CHRNA7: variants seen among roughly 807,000 people sequenced by gnomAD.
The protein encoded by CHRNA7 is cholinergic receptor nicotinic alpha 7 subunit, also known as neuronal acetylcholine receptor subunit alpha-7.
CHRNA7 carries 17 observed loss-of-function variants against 48.0 expected under a neutral mutation model. The ratio of observed to expected loss-of-function variants is 0.35; its 90% CI spans 0.24 to 0.53. CHRNA7 has a LOEUF of 0.53. CHRNA7 is among the 20% of genes least tolerant of loss of function. CHRNA7 has a pLI of 0.92. For synonymous variants in CHRNA7, 75 were observed against 242.3 expected (o/e 0.31, Z 6.41); for missense variants, 155 against 577.7 (o/e 0.27, Z 7.50).
At chr15:32,087,987 T>G (rs1003708368) in intron 2 of CHRNA7, among the ~76,000 whole-genome samples, 1 of 152,240 alleles carries the variant, frequency 6.6e-6, no homozygotes, top group Non-Finnish European at 1.5e-5. Flanking sequence ...TGGGTTACTC[T>G]TTGTATTATA....
At chr15:32,114,089 T>C (rs8036584) in intron 4 of CHRNA7, among the ~76,000 whole-genome samples, 25,627 of 136,998 alleles carry the variant, frequency 0.19, 2,610 homozygotes, top group Middle Eastern at 0.3. Flanking sequence ...CATACATACA[T>C]ACACACACAC....
chr15:32,127,021 A>G (rs1176618500), intron 4 of CHRNA7, among the ~76,000 whole-genome samples: 1 of 152,210 alleles, frequency 6.6e-6, no homozygotes, highest in East Asian at 1.9e-4. Context: ...CCACGACTGT[A>G]AAGATCTCTT....
At chr15:32,124,293 A>G (rs534528036) in intron 4 of CHRNA7, among the ~76,000 whole-genome samples, 3 of 152,342 alleles carry the variant, frequency 2.0e-5, no homozygotes, top group African/African-American at 7.2e-5. Context: ...AAAAGGGACA[A>G]AATGAATATT....
At chr15:32,124,669 G>A (rs1360648515) in intron 4 of CHRNA7, among the ~76,000 whole-genome samples, 1 of 128,444 alleles carries the variant, frequency 7.8e-6, no homozygotes, top group African/African-American at 3.2e-5. Flanking sequence ...TCAGAGATAA[G>A]GCAAAGATGA....
chr15:32,156,777 T>C lies in CHRNA7; in HGVS notation c.431-831T>C, dbSNP rs2141373878. ...TGTTTGTTTGTTTGTTTTAACTTTT[T>C]TTCTTACAGACAGATTCTAGGTGTG... On this transcript the variant is annotated intron_variant, in intron 5 of 9. Transcript: ENST00000306901. 3 of 110,974 alleles carry C rather than the reference T, an allele frequency of 2.7e-5. 1 individual carries two copies. In the South Asian group the frequency reaches 8.7e-4, roughly 32 times the overall value. 6.9% of individuals were successfully genotyped at this position (110,974 alleles called of 1,614,324 possible). A position where few individuals can be genotyped will look rare whatever the true frequency, so the allele number is the denominator to read the frequency against.
At chr15:32,030,851 C>G in intron 1 of CHRNA7, 47 bp from the exon 2 acceptor site, 1 of 1,594,376 alleles carries the variant, frequency 6.3e-7, no homozygotes. Flanking sequence ...CGGGGGTACC[C>G]CCGCCGGCCT....
intron 2 of CHRNA7, among the ~76,000 whole-genome samples, chr15:32,080,605 G>A (rs962801857): frequency 7.2e-5 from 11 of 152,218 alleles, no homozygotes; most frequent in African/African-American, 2.6e-4. Context: ...ACCAACTCAT[G>A]CCAGTCAGAA....
chr15:32,140,594 C>A (rs2051360502), intron 4 of CHRNA7, among the ~76,000 whole-genome samples: 1 of 152,166 alleles, frequency 6.6e-6, no homozygotes, highest in African/African-American at 2.4e-5. Flanking sequence ...TGTTTCCTGA[C>A]TTTTTAATGA....
chr15:32,042,531 C>T (rs1177837452), intron 2 of CHRNA7, among the ~76,000 whole-genome samples: 2 of 152,138 alleles, frequency 1.3e-5, no homozygotes, highest in Non-Finnish European at 2.9e-5. Context: ...TTTGGGAACC[C>T]CCTATGATTG....
At chr15:32,127,992 G>A (rs1177112998) in intron 4 of CHRNA7, among the ~76,000 whole-genome samples, 1 of 151,932 alleles carries the variant, frequency 6.6e-6, no homozygotes, top group African/African-American at 2.4e-5. Flanking sequence ...TTTTTGGTAT[G>A]ATATCTGAGA....
At chr15:32,134,199 C>G (rs1160571215) in intron 4 of CHRNA7, among the ~76,000 whole-genome samples, 1 of 151,888 alleles carries the variant, frequency 6.6e-6, no homozygotes, top group South Asian at 2.1e-4. Flanking sequence ...GGCTCTGTCT[C>G]CCAGGCTAGA....
chr15:32,080,530 C>T (rs1484604563), intron 2 of CHRNA7, among the ~76,000 whole-genome samples: 2 of 152,010 alleles, frequency 1.3e-5, no homozygotes, highest in Admixed American at 6.6e-5. Context: ...GGGCAACAAA[C>T]ATATGAAAAA....
intron 2 of CHRNA7, among the ~76,000 whole-genome samples, chr15:32,050,218 AT>A (rs775095543): frequency 7.2e-5 from 11 of 152,172 alleles, no homozygotes; most frequent in African/African-American, 1.2e-4. Flanking sequence ...GGAAGTTCTC[AT>A]GGATGATATC....
chr15:32,051,649 G>T (rs2049683568), intron 2 of CHRNA7, among the ~76,000 whole-genome samples: 1 of 152,154 alleles, frequency 6.6e-6, no homozygotes, highest in South Asian at 2.1e-4. Context: ...ATGGTGCGCT[G>T]CACCGACTGT....
intron 4 of CHRNA7, among the ~76,000 whole-genome samples, chr15:32,122,995 A>G (rs1374453176): frequency 2.0e-5 from 3 of 152,184 alleles, no homozygotes; most frequent in Non-Finnish European, 4.4e-5. Context: ...GTTGAACTGA[A>G]CTTTCTGGGC....
chr15:32,141,488 A>G (rs938728792), intron 4 of CHRNA7, among the ~76,000 whole-genome samples: 3 of 152,210 alleles, frequency 2.0e-5, no homozygotes, highest in African/African-American at 7.2e-5. Context: ...TGGGGATGGC[A>G]TTGAATCTGT....
intron 2 of CHRNA7, among the ~76,000 whole-genome samples, chr15:32,080,545 C>T (rs1279301223): frequency 6.6e-6 from 1 of 152,096 alleles, no homozygotes; most frequent in Non-Finnish European, 1.5e-5. Flanking sequence ...GAAAAAAAAG[C>T]TCCACATCAC....
chr15:32,082,995 G>A (rs190419768), intron 2 of CHRNA7, among the ~76,000 whole-genome samples: 9 of 152,224 alleles, frequency 5.9e-5, no homozygotes, highest in Admixed American at 1.3e-4. Flanking sequence ...AATCAGCCTC[G>A]TGTGGTGGTG....
chr15:32,151,095 C>T (rs756901246), intron 4 of CHRNA7, among the ~76,000 whole-genome samples: 5 of 151,894 alleles, frequency 3.3e-5, no homozygotes, highest in African/African-American at 7.3e-5. Flanking sequence ...ATTCAAATCA[C>T]GGCTTTCTCA....
Sources: gnomAD v4.1 joint callset for allele counts (sites outside exome capture counted in the v4.1 genomes callset) on GRCh38, gnomAD v4.1.1 for gene constraint, MANE v1.5 for transcripts, NCBI Gene and HGNC (gene_info 2026-07-23, HGNC 2026-07-21) for gene names.